The following SDK1 variants were observed in gnomAD, a reference collection of about 807,000 sequenced individuals.
The protein encoded by SDK1 is sidekick cell adhesion molecule 1.
In SDK1, 157 loss-of-function variants were observed where a neutral mutation model predicts 245.5. The ratio of observed to expected loss-of-function variants is 0.64; its 90% confidence interval spans 0.56 to 0.73. The LOEUF (loss-of-function observed/expected upper bound fraction) is 0.73, where lower values mean the gene tolerates loss of function less well. Ranked by LOEUF, SDK1 falls within the 30% of genes least tolerant of loss-of-function variation. The pLI is 0.00. For missense variants in SDK1, 3,583 were observed against 3,002.3 expected (o/e 1.19, Z -4.52); for synonymous variants, 1,647 against 1,278.5 (o/e 1.29, Z -6.15).
intron 1 of SDK1, among the ~76,000 whole-genome samples, chr7:3,348,370 A>T (rs958574113): frequency 3.3e-5 from 5 of 152,190 alleles, no homozygotes; most frequent in African/African-American, 1.2e-4. Context: ...ATGGACTACT[A>T]TGCAGCCATA....
At chr7:3,314,610 ATTAC>A (rs1348023290) in intron 1 of SDK1, among the ~76,000 whole-genome samples, 3 of 152,204 alleles carry the variant, frequency 2.0e-5, no homozygotes, top group Non-Finnish European at 2.9e-5. Context: ...AATTTTGAAA[ATTAC>A]TTATATCTGT....
At chr7:3,455,566 A>C (rs376007346) in intron 1 of SDK1, among the ~76,000 whole-genome samples, 24 of 151,988 alleles carry the variant, frequency 1.6e-4, no homozygotes, top group African/African-American at 5.1e-4. Flanking sequence ...TTGCTTTTTC[A>C]TCCGTGTAAA....
At chr7:3,865,434 A>G (rs1349699840) in intron 5 of SDK1, among the ~76,000 whole-genome samples, 2 of 152,272 alleles carry the variant, frequency 1.3e-5, no homozygotes, top group African/African-American at 2.4e-5. Flanking sequence ...ACAAATATGT[A>G]TGCTTTGTAG....
intron 32 of SDK1, among the ~76,000 whole-genome samples, chr7:4,162,464 A>G (rs1019938258): frequency 6.6e-6 from 1 of 151,462 alleles, no homozygotes; most frequent in East Asian, 1.9e-4. Context: ...CAGTGGCACA[A>G]TCTAGGCTCC....
chr7:3,423,431 G>T (rs1237532693), intron 1 of SDK1, among the ~76,000 whole-genome samples: 1 of 152,174 alleles, frequency 6.6e-6, no homozygotes, highest in Non-Finnish European at 1.5e-5. Context: ...CTTCATCAAA[G>T]AGAACTTCTT....
intron 1 of SDK1, among the ~76,000 whole-genome samples, chr7:3,467,251 A>T (rs1429315891): frequency 6.6e-6 from 1 of 152,156 alleles, no homozygotes; most frequent in Non-Finnish European, 1.5e-5. Context: ...AATTAAAAGC[A>T]CAGTGAAATT....
chr7:3,490,848 G>A (rs149997446), intron 1 of SDK1, among the ~76,000 whole-genome samples: 15 of 152,084 alleles, frequency 9.9e-5, no homozygotes, highest in African/African-American at 4.8e-5. Context: ...CCCTTTTCTT[G>A]GGTGTTCTTG....
chr7:4,198,791 T>C (rs923631891), intron 35 of SDK1, among the ~76,000 whole-genome samples: 8 of 149,402 alleles, frequency 5.4e-5, no homozygotes, highest in African/African-American at 2.0e-4. Flanking sequence ...CTCAGCTTTC[T>C]TTTTCTTTCT....
intron 1 of SDK1, among the ~76,000 whole-genome samples, chr7:3,319,248 T>G (rs12700791): frequency 0.11 from 16,792 of 152,198 alleles, 1,191 homozygotes; most frequent in African/African-American, 0.19. Context: ...AGTTTAGCTG[T>G]GGGAAGCCCC....
chr7:3,820,004 G>T (rs563295653), intron 4 of SDK1, among the ~76,000 whole-genome samples: 36 of 152,214 alleles, frequency 2.4e-4, no homozygotes, highest in Non-Finnish European at 3.8e-4. Flanking sequence ...CAATTGTGGT[G>T]GGTAACACAA....
chr7:3,626,065 TC>T (rs1439904741), intron 2 of SDK1, among the ~76,000 whole-genome samples: 1 of 149,704 alleles, frequency 6.7e-6, no homozygotes, highest in Non-Finnish European at 1.5e-5. Flanking sequence ...TGCACCAGCC[TC>T]CCTAGTAGCT....
chr7:3,752,859 T>G lies in SDK1; in HGVS notation c.714-68591T>G, dbSNP rs144812810. Among the ~76,000 whole-genome samples the G allele has an allele frequency of 1.4e-3, 206 of 152,342 alleles. 2 individuals carry two copies. The highest frequency in any genetic ancestry group is 4.8e-3 in the African/African-American group (201 of 41,588). ...TAGTATAGTAGTATCTCTATTATCT[T>G]AACACAGTCTTGGAAATACCCACAG... On this transcript the variant is annotated intron_variant, in intron 4 of 44. Coordinates refer to ENST00000404826, the MANE Select transcript of SDK1 (RefSeq NM_152744.4).
intron 5 of SDK1, among the ~76,000 whole-genome samples, chr7:3,918,288 C>T (rs991099685): frequency 2.0e-5 from 3 of 152,354 alleles, no homozygotes; most frequent in East Asian, 3.9e-4. Flanking sequence ...AGGGGAGCAG[C>T]GAGTGAGCAA....
chr7:3,822,484 G>A lies in SDK1; in HGVS notation c.847+901G>A, dbSNP rs974781985. Among the ~76,000 whole-genome samples the A allele has an allele frequency of 3.5e-4, 54 of 152,174 alleles. 1 individual carries two copies. Among genetic ancestry groups the A allele is most frequent in the Admixed American group, 2.5e-3 (38 of 15,272 alleles). The stretch of plus-strand genomic sequence containing the variant: ...CCCCTGCAAGTGATTTGAAAAGTAT[G>A]TGGGGCTAGGCATGGTAGCTCACAC... On this transcript the variant is annotated intron_variant, in intron 5 of 44. Transcript: ENST00000404826.
intron 4 of SDK1, among the ~76,000 whole-genome samples, chr7:3,809,181 A>G (rs1475196915): frequency 1.3e-5 from 2 of 152,126 alleles, no homozygotes; most frequent in Non-Finnish European, 2.9e-5. Context: ...GGCGCGCTAC[A>G]TGGCGAGAGC....
intron 4 of SDK1, among the ~76,000 whole-genome samples, chr7:3,791,769 T>G (rs1010852610): frequency 4.6e-5 from 7 of 152,126 alleles, no homozygotes; most frequent in Non-Finnish European, 8.8e-5. Flanking sequence ...TGGATGCCAT[T>G]CTTTTCTGGG....
At chr7:3,545,665 A>T (rs1454153160) in intron 1 of SDK1, among the ~76,000 whole-genome samples, 1 of 152,206 alleles carries the variant, frequency 6.6e-6, no homozygotes, top group African/African-American at 2.4e-5. Flanking sequence ...TGTGCCTGCC[A>T]TCCTCTGGCT....
intron 14 of SDK1, among the ~76,000 whole-genome samples, chr7:3,989,837 A>G (rs1209811976): frequency 6.6e-6 from 1 of 152,144 alleles, no homozygotes; most frequent in Admixed American, 6.5e-5. Context: ...ATAATACTGC[A>G]TGTTCACACC....
At chr7:3,996,387 C>T (rs367926587) in intron 14 of SDK1, among the ~76,000 whole-genome samples, 1 of 152,136 alleles carries the variant, frequency 6.6e-6, no homozygotes, top group African/African-American at 2.4e-5. Context: ...CCAGAAAAAA[C>T]TGAAATTATT....
Sources: allele counts gnomAD v4.1 joint callset (sites outside exome capture counted in the v4.1 genomes callset), GRCh38; gene constraint gnomAD v4.1.1; transcripts MANE v1.5; gene names NCBI Gene and HGNC (gene_info 2026-07-23, HGNC 2026-07-21).